PCNX2: variants seen among roughly 807,000 people sequenced by gnomAD.
The protein encoded by PCNX2 is pecanex 2.
Under a neutral mutation model 223.8 loss-of-function variants are expected in PCNX2, and 168 were observed. The observed-to-expected ratio is 0.75, with a 90% CI of 0.66 to 0.85. The LOEUF is 0.85. PCNX2 is among the 40% of genes least tolerant of loss of function. The pLI is 0.00. For missense variants in PCNX2, 2,507 were observed against 2,675.5 expected, an observed-to-expected ratio of 0.94 and a Z score of 1.39; for synonymous variants, 1,006 against 1,052.6, an observed-to-expected ratio of 0.96 and a Z score of 0.86.
At chr1:233,249,400 C>T (rs1659317914) in intron 8 of PCNX2, among the ~76,000 whole-genome samples, 1 of 152,226 alleles carries the variant, frequency 6.6e-6, no homozygotes, top group Admixed American at 6.5e-5. Context: ...CATGCAATTA[C>T]ATATTTTGTC....
In PCNX2 at chr1:233,177,953, C is replaced by T. The variant is rs1325024730; in HGVS notation, c.3177-55G>A. The T allele has an allele frequency of 5.4e-5, 76 of 1,402,034 alleles. 1 individual carries two copies. Among genetic ancestry groups the T allele is most frequent in the Admixed American group, 1.1e-4 (6 of 56,454 alleles). The allele number at this position is 1,402,034 out of a possible 1,614,324, so 86.8% of individuals were successfully genotyped here. On this transcript the variant is annotated intron_variant, in intron 16 of 33. Coordinates refer to ENST00000258229, the MANE Select transcript of PCNX2 (RefSeq NM_014801.4). ...AAAGATGTTCCTGGGACAGTGTTTT[C>T]GGTAAATAACTTCACCTTAGATCTC...
chr1:233,028,103 C>T (rs375348580), intron 25 of PCNX2, among the ~76,000 whole-genome samples: 1 of 152,154 alleles, frequency 6.6e-6, no homozygotes, highest in East Asian at 1.9e-4. Flanking sequence ...AGAATGAACA[C>T]TTATTATTTC....
At chr1:233,031,764 T>C (rs1193648938) in intron 25 of PCNX2, 4 of 984,838 alleles carry the variant, frequency 4.1e-6, no homozygotes, top group Non-Finnish European at 4.8e-6. Flanking sequence ...CTCCTTGCTT[T>C]GGCTCTTGGC....
the PCNX2 span, among the ~76,000 whole-genome samples, chr1:233,322,872 C>T: frequency 6.6e-6 from 1 of 152,140 alleles, no homozygotes; most frequent in Non-Finnish European, 1.5e-5. Context: ...ACGATTTCCT[C>T]TACCCTTCTT....
chr1:233,271,506 T>C (rs1660633701), intron 1 of PCNX2, among the ~76,000 whole-genome samples: 1 of 150,992 alleles, frequency 6.6e-6, no homozygotes, highest in South Asian at 2.1e-4. Context: ...GTCATGAACT[T>C]TCAAGCCTAT....
intron 21 of PCNX2, among the ~76,000 whole-genome samples, chr1:233,102,493 G>A (rs756880608): frequency 4.6e-5 from 7 of 152,008 alleles, no homozygotes; most frequent in African/African-American, 9.7e-5. Flanking sequence ...TCACTTTCCC[G>A]CCAACAGGGT....
At chr1:233,089,084 T>C (rs1363939900) in intron 23 of PCNX2, among the ~76,000 whole-genome samples, 1 of 152,102 alleles carries the variant, frequency 6.6e-6, no homozygotes, top group East Asian at 1.9e-4. Context: ...TTATAAACCA[T>C]CTCTCGGGAG....
At chr1:233,162,972 T>G (rs1678580207) in intron 17 of PCNX2, among the ~76,000 whole-genome samples, 1 of 152,208 alleles carries the variant, frequency 6.6e-6, no homozygotes, top group African/African-American at 2.4e-5. Context: ...GAAGCAGGAA[T>G]GAGCTCGAAT....
At chr1:233,089,573 T>C (rs1673766382) in intron 23 of PCNX2, among the ~76,000 whole-genome samples, 1 of 152,232 alleles carries the variant, frequency 6.6e-6, no homozygotes, top group Admixed American at 6.5e-5. Context: ...AGAAATCATC[T>C]TCACTTTTAT....
intron 8 of PCNX2, among the ~76,000 whole-genome samples, chr1:233,242,060 C>G (rs961835784): frequency 1.3e-5 from 2 of 152,036 alleles, no homozygotes; most frequent in African/African-American, 4.8e-5. Context: ...GTCAGAGAAG[C>G]TGATAATGTC....
Position 233,252,450 on chromosome 1 carries a change from G to A in PCNX2, c.2032C>T (p.Gln678Ter), listed in dbSNP as rs1471881104. 1 of 1,613,480 alleles carries A rather than the reference G, an allele frequency of 6.2e-7. No homozygotes were observed. The highest frequency in any genetic ancestry group is 8.5e-7 in the Non-Finnish European group (1 of 1,179,568). ...RQIIYRVTSQ[Q>*]DSSVLQVISG... Reference sequence around the variant, plus strand: ...ATGACTTGCAAGACAGAACTATCTTGTTGGGAAGTTACCCTGTAGATTATC... The same window carrying A: ...ATGACTTGCAAGACAGAACTATCTTATTGGGAAGTTACCCTGTAGATTATC... Residue 678 changes from glutamine (Q) to a stop codon, truncating the protein, a stop_gained, in exon 7 of 34, where the codon CAA becomes TAA. Transcript: ENST00000258229. LOFTEE classifies it high-confidence loss of function.
intron 25 of PCNX2, among the ~76,000 whole-genome samples, chr1:233,026,979 C>T (rs1671100091): frequency 6.6e-6 from 1 of 151,986 alleles, no homozygotes; most frequent in African/African-American, 2.4e-5. Context: ...CACCTATATG[C>T]TAATAAGAGA....
intron 23 of PCNX2, among the ~76,000 whole-genome samples, chr1:233,062,714 G>A (rs535927715): frequency 6.6e-5 from 10 of 152,212 alleles, no homozygotes; most frequent in Admixed American, 5.9e-4. Flanking sequence ...GATGTATTTG[G>A]TCATATTCCA....
At chr1:233,291,707 GC>G (rs1661777397) in intron 1 of PCNX2, 3 of 984,064 alleles carry the variant, frequency 3.0e-6, no homozygotes, top group Admixed American at 1.2e-4. Context: ...ATGCCCATAT[GC>G]CCCTGCTGTA....
intron 21 of PCNX2, among the ~76,000 whole-genome samples, chr1:233,118,236 C>T (rs115552099): frequency 6.9e-4 from 105 of 152,154 alleles, no homozygotes; most frequent in African/African-American, 2.1e-3. Flanking sequence ...GGAACTTTCT[C>T]TACTAGATAA....
rs898055652 is a variant in PCNX2, at chr1:232,998,416, G to A, written c.5626C>T (p.Arg1876Cys). Residue 1876 changes from arginine to cysteine, a missense_variant, in exon 32 of 34, where the codon CGC becomes TGC. Physicochemically the swap from Arg to Cys is radical, Grantham distance 180. Around this residue, in one of 3 missense-constraint regions of PCNX2, gnomAD observed 1,372 missense variants for 1,509.4 expected, o/e 0.91. Coordinates refer to ENST00000258229, the MANE Select transcript of PCNX2 (RefSeq NM_014801.4). ...WVRMRKDCNARQHSGGNIEDV... is the reference protein window; with the variant it reads ...WVRMRKDCNACQHSGGNIEDV... ...TCAATGTTGCCGCCACTGTGCTGGCGGGCATTGCAATCCTTCCGCATCCTG... is the reference window on the plus strand; with the variant it reads ...TCAATGTTGCCGCCACTGTGCTGGCAGGCATTGCAATCCTTCCGCATCCTG... 16 of 1,612,272 alleles carry A rather than the reference G, an allele frequency of 9.9e-6. No homozygotes were observed. Among genetic ancestry groups the A allele is most frequent in the Admixed American group, 3.3e-5 (2 of 59,854 alleles).
rs2102781422 is a variant in PCNX2 at position 232,990,854 on chromosome 1, AGGGCGGACCTT to A, written c.5792-4325_5792-4315del. On this transcript the variant is annotated intron_variant, in intron 32 of 33. Coordinates refer to ENST00000258229, the MANE Select transcript of PCNX2 (RefSeq NM_014801.4). This position sits in a 1 kb window ranked among gnomAD's most constrained non-coding sequence, Gnocchi z 4.3. ...GGCCTCTTCCCCAGGGTCGTCTCCCAGGGCGGACCTTGGGCCTACTTGCAGGCACGTGCACC... is the reference window on the plus strand; with the variant it reads ...GGCCTCTTCCCCAGGGTCGTCTCCCAGGGCCTACTTGCAGGCACGTGCACC... 6.6e-6 allele frequency among the ~76,000 whole-genome samples: 1 copy of A among 152,288 alleles called. No individual in the cohort carries two copies. The highest frequency in any genetic ancestry group is 6.5e-5 in the Admixed American group (1 of 15,306).
At chr1:232,992,063 A>C (rs1043302773) in intron 32 of PCNX2, among the ~76,000 whole-genome samples, 1 of 152,234 alleles carries the variant, frequency 6.6e-6, no homozygotes, top group African/African-American at 2.4e-5. Context: ...GAGAAAAAGC[A>C]AGAGAGATGA....
chr1:233,159,838 G>GT (rs1678359761), intron 19 of PCNX2, among the ~76,000 whole-genome samples: 2 of 152,132 alleles, frequency 1.3e-5, no homozygotes, highest in South Asian at 4.1e-4. Flanking sequence ...AAATGCAAGT[G>GT]TTCAGGAGTG....
Sources: allele counts gnomAD v4.1 joint callset (sites outside exome capture counted in the v4.1 genomes callset), GRCh38; gene constraint gnomAD v4.1.1; regional missense constraint gnomAD v4.1.1; non-coding constraint Gnocchi (gnomAD v3.1); transcripts MANE v1.5; gene names NCBI Gene and HGNC (gene_info 2026-07-23, HGNC 2026-07-21).